The following NSD3 variants were observed in gnomAD, a reference collection of about 807,000 sequenced individuals.
The protein encoded by NSD3 is histone-lysine N-methyltransferase NSD3.
Under a neutral mutation model 160.8 loss-of-function variants are expected in NSD3, and 24 were observed. That is an observed-to-expected ratio of 0.15 (90% CI 0.11 to 0.21). The LOEUF is 0.21. Ranked by LOEUF, NSD3 falls within the 10% of genes least tolerant of loss-of-function variation. The pLI is 1.00. For synonymous variants in NSD3, 520 were observed against 600.0 expected (o/e 0.87, Z 1.95); for missense variants, 1,157 against 1,735.9 (o/e 0.67, Z 5.93).
intron 20 of NSD3, chr8:38,280,102 G>A (rs1171518904): frequency 6.4e-6 from 1 of 156,556 alleles, no homozygotes; most frequent in Non-Finnish European, 1.4e-5. Flanking sequence ...GAGAGCTTAG[G>A]CCAGAAAGAA....
At chr8:38,375,682 T>C (rs574101786) in intron 1 of NSD3, among the ~76,000 whole-genome samples, 3 of 152,020 alleles carry the variant, frequency 2.0e-5, no homozygotes, top group African/African-American at 7.2e-5. Flanking sequence ...CTTATAAATA[T>C]AATTCATAAA....
intron 1 of NSD3, among the ~76,000 whole-genome samples, chr8:38,355,292 AAG>A (rs2150387677): frequency 6.6e-6 from 1 of 152,300 alleles, no homozygotes; most frequent in South Asian, 2.1e-4. Context: ...CGTAAGAATT[AAG>A]AGTTAATCCA....
chr8:38,321,255 T>C lies in NSD3; in HGVS notation c.1709-83A>G. On this transcript the variant is annotated intron_variant, in intron 7 of 23. Coordinates refer to ENST00000317025, the MANE Select transcript of NSD3 (RefSeq NM_023034.2). This position sits in a 1 kb window ranked among gnomAD's most constrained non-coding sequence, Gnocchi z 4.7. Reference sequence around the variant, plus strand: ...TGTAATTAAGATATGACCACATTCCTTGCTTTTCTTACCCATTACTTTTGG... The same window carrying C: ...TGTAATTAAGATATGACCACATTCCCTGCTTTTCTTACCCATTACTTTTGG... The C allele has an allele frequency of 9.3e-7, 1 of 1,077,232 alleles. No homozygotes were observed. The highest frequency in any genetic ancestry group is 1.3e-6 in the Non-Finnish European group (1 of 751,224). The allele number at this position is 1,077,232 out of a possible 1,614,324, so 66.7% of individuals were successfully genotyped here.
chr8:38,351,865 C>T (rs1174124045), intron 1 of NSD3, among the ~76,000 whole-genome samples: 1 of 147,042 alleles, frequency 6.8e-6, no homozygotes, highest in Non-Finnish European at 1.5e-5. Flanking sequence ...ACACCGGGGC[C>T]TGTTGTGGGG....
Position 38,272,749 on chromosome 8 carries a change from C to T in NSD3, c.*2892G>A, listed in dbSNP as rs1808513464. On this transcript the variant is annotated 3_prime_UTR_variant, in exon 24 of 24. Coordinates refer to ENST00000317025, the MANE Select transcript of NSD3 (RefSeq NM_023034.2). ...AAAAACCAGCCACTTACACTCTGAC[C>T]ACATATAGATTTAAAAGTTAACAAA... is the stretch of plus-strand genomic sequence containing the variant. 1 of 152,168 alleles carries T rather than the reference C, an allele frequency of 6.6e-6. No homozygotes were observed. The highest frequency in any genetic ancestry group is 1.5e-5 in the Non-Finnish European group (1 of 68,036). The allele number at this position is 152,168 out of a possible 1,614,324, so 9.4% of individuals were successfully genotyped here. A position where few individuals can be genotyped will look rare whatever the true frequency, so the allele number is the denominator to read the frequency against.
rs150410632 is a variant in NSD3, at chr8:38,380,640, G to C, written c.-45+1159C>G. The C allele has an allele frequency of 2.2e-3, 337 of 152,312 alleles. 1 individual carries two copies. Among genetic ancestry groups the C allele is most frequent in the Non-Finnish European group, 3.5e-3 (236 of 68,036 alleles). 9.4% of individuals were successfully genotyped at this position (152,312 alleles called of 1,614,324 possible). ...TTGCAACCAGAAGGAAGAGGGTAAA[G>C]AGAGGGAGAAAAGCATCAAAAAGGT... is the stretch of plus-strand genomic sequence containing the variant. On this transcript the variant is annotated intron_variant, in intron 1 of 23. Transcript: ENST00000317025.
In NSD3 at chr8:38,314,548, A is replaced by C. The variant is rs373313333; in HGVS notation, c.2242+99T>G. ...TGGGAAGAGAGGAGGAGGGCTAATA[A>C]AAGTGATGGGAACAAGATGTCCTAG... On this transcript the variant is annotated intron_variant, in intron 12 of 23. Coordinates refer to ENST00000317025, the MANE Select transcript of NSD3 (RefSeq NM_023034.2). 1.4e-4 allele frequency: 211 copies of C among 1,496,728 alleles called. No individual in the cohort carries two copies. In the African/African-American group the frequency reaches 2.6e-3, roughly 18 times the overall value. The allele number at this position is 1,496,728 out of a possible 1,614,324, so 92.7% of individuals were successfully genotyped here.
chr8:38,288,668 G>A lies in NSD3; in HGVS notation c.3320C>T (p.Pro1107Leu), dbSNP rs1203258710. 1 of 1,614,214 alleles carries A rather than the reference G, an allele frequency of 6.2e-7. No homozygotes were observed. Among genetic ancestry groups the A allele is most frequent in the Non-Finnish European group, 8.5e-7 (1 of 1,180,034 alleles). ...CAGGCACTCCGATTCCAAGCCACAA[G>A]GGTTTTCATCAGCTGGCTTGCAGTT... ...RCNCKPADEN[P>L]CGLESECLNR... Residue 1107 changes from proline to leucine, a missense_variant, in exon 19 of 24, where the codon CCT becomes CTT. Transcript: ENST00000317025. The surrounding 1 kb of genome is among the most constrained non-coding windows in gnomAD (Gnocchi z 4.5).
chr8:38,330,028 GA>G, intron 5 of NSD3, 135 bp from the exon 6 acceptor site: 1 of 996,412 alleles, frequency 1.0e-6, no homozygotes, highest in East Asian at 2.5e-5. Flanking sequence ...CAAACAAGTG[GA>G]ATGTTCTATC....
At chr8:38,374,308 A>G (rs918065781) in intron 1 of NSD3, among the ~76,000 whole-genome samples, 6 of 152,144 alleles carry the variant, frequency 3.9e-5, no homozygotes, top group African/African-American at 1.4e-4. Context: ...AAATCTATAT[A>G]TCTTAGGAAA....
rs188817091 is a variant in NSD3 at position 38,368,630 on chromosome 8, A to C, written c.-45+13169T>G. ...TTTTTCCTGACTAAACCACATTACTATTGAACTGCCTTTTACCAATACAAA... is the reference window on the plus strand; with the variant it reads ...TTTTTCCTGACTAAACCACATTACTCTTGAACTGCCTTTTACCAATACAAA... On this transcript the variant is annotated intron_variant, in intron 1 of 23. Transcript: ENST00000317025. Among the ~76,000 whole-genome samples, 58 of 152,290 alleles carry C rather than the reference A, an allele frequency of 3.8e-4. 1 individual carries two copies. Among genetic ancestry groups the C allele is most frequent in the African/African-American group, 1.3e-3 (53 of 41,570 alleles).
chr8:38,283,492 AAAG>A (rs1000745858), intron 19 of NSD3, among the ~76,000 whole-genome samples: 4 of 145,686 alleles, frequency 2.7e-5, no homozygotes, highest in East Asian at 2.0e-4. Context: ...AGCTGAAGAG[AAAG>A]AAGTACTGCA....
intron 20 of NSD3, among the ~76,000 whole-genome samples, chr8:38,280,597 A>G (rs985912317): frequency 2.0e-5 from 3 of 152,178 alleles, no homozygotes; most frequent in Non-Finnish European, 4.4e-5. Context: ...ATCACTTATC[A>G]TGGCTGGACA....
intron 8 of NSD3, 74 bp downstream of exon 8, chr8:38,320,998 T>C (rs1455592146): frequency 7.0e-7 from 1 of 1,425,338 alleles, no homozygotes; most frequent in Admixed American, 1.7e-5. Context: ...AGTTTCTCTT[T>C]CTTTTAAGAC....
At position 38,279,642 on chromosome 8, in the gene NSD3, G is replaced by A. The variant is rs762340693; in HGVS notation, c.3658C>T (p.Arg1220Cys). The part of the protein sequence containing the change: ...IDAGPKGNYS[R>C]FMNHSCNPNC... ...GGATTACAACTGTGGTTCATGAAGC[G>A]AGAATAATTTCCTTTTGGGCCGGCA... Residue 1220 changes from arginine (R) to cysteine (C), a missense_variant, in exon 21 of 24, where the codon CGC becomes TGC. Physicochemically the swap from Arg to Cys is radical, Grantham distance 180. Around this residue, in one of 10 missense-constraint regions of NSD3, gnomAD observed 222 missense variants for 409.9 expected, o/e 0.54. Transcript: ENST00000317025. 7 of 1,613,512 alleles carry A rather than the reference G, an allele frequency of 4.3e-6. No individual in the cohort carries two copies. The highest frequency in any genetic ancestry group is 8.5e-7 in the Non-Finnish European group (1 of 1,179,684).
chr8:38,293,286 T>G (rs1038916807), intron 16 of NSD3, among the ~76,000 whole-genome samples: 3 of 151,584 alleles, frequency 2.0e-5, no homozygotes, highest in African/African-American at 7.3e-5. Context: ...GTGCAGTGGC[T>G]CATGCCTGTA....
chr8:38,376,795 G>C (rs944926011), intron 1 of NSD3, among the ~76,000 whole-genome samples: 1 of 152,040 alleles, frequency 6.6e-6, no homozygotes, highest in African/African-American at 2.4e-5. Flanking sequence ...CAAGTAACGG[G>C]TTTGTCAAAA....
At chr8:38,370,864 T>C (rs1453113429) in intron 1 of NSD3, among the ~76,000 whole-genome samples, 1 of 152,122 alleles carries the variant, frequency 6.6e-6, no homozygotes, top group Non-Finnish European at 1.5e-5. Flanking sequence ...TGGAAATATG[T>C]ATCAAAAGCT....
At chr8:38,279,825 G>A (rs1808689720) in intron 20 of NSD3, 144 bp from the exon 21 acceptor site, 1 of 809,046 alleles carries the variant, frequency 1.2e-6, no homozygotes, top group Admixed American at 2.9e-5. Context: ...AGGCTGCCTG[G>A]GTAATTTACT....
Sources: gnomAD v4.1 joint callset for allele counts (sites outside exome capture counted in the v4.1 genomes callset) on GRCh38, gnomAD v4.1.1 for gene constraint, gnomAD v4.1.1 regional missense constraint, Gnocchi (gnomAD v3.1) non-coding constraint, MANE v1.5 for transcripts, NCBI Gene and HGNC (gene_info 2026-07-23, HGNC 2026-07-21) for gene names.